PLK4: variants seen among roughly 807,000 people sequenced by gnomAD.
PLK4 encodes polo like kinase 4.
Under a neutral mutation model 103.0 loss-of-function variants are expected in PLK4, and 51 were observed. The ratio of observed to expected loss-of-function variants is 0.50; its 90% confidence interval spans 0.40 to 0.63. The LOEUF (loss-of-function observed/expected upper bound fraction) is 0.63, where lower values mean the gene tolerates loss of function less well. PLK4 is among the 20% of genes least tolerant of loss of function. The pLI is 0.00. For synonymous variants in PLK4, 389 were observed against 376.8 expected (o/e 1.03, Z -0.38); for missense variants, 1,054 against 1,151.0 (o/e 0.92, Z 1.22).
intron 13 of PLK4, among the ~76,000 whole-genome samples, chr4:127,894,615 A>G (rs1454173555): frequency 2.6e-5 from 4 of 152,180 alleles, no homozygotes; most frequent in Non-Finnish European, 5.9e-5. Context: ...TATTTAATGA[A>G]CATGGCGATG....
chr4:127,897,075 A>G (rs1403000648), intron 15 of PLK4, among the ~76,000 whole-genome samples, 168 bp downstream of exon 15: 1 of 152,178 alleles, frequency 6.6e-6, no homozygotes, highest in Non-Finnish European at 1.5e-5. Context: ...ATTAATGCAT[A>G]TTTTATGATT....
chr4:127,896,881 T>C lies in PLK4; in HGVS notation c.2784T>C (p.Tyr928=), dbSNP rs147313253. ...VVQAGVSSIS[Y]TSPNGQTTRY... Reference sequence around the variant, plus strand: ...AGGCAGGAGTGTCTTCTATCAGTTATACCTCACCAAATGGTCAAACAACTA... The same window carrying C: ...AGGCAGGAGTGTCTTCTATCAGTTACACCTCACCAAATGGTCAAACAACTA... Residue 928 remains tyrosine (Y), a synonymous_variant, in exon 15 of 16, where the codon TAT becomes TAC. Transcript: ENST00000270861. The C allele has an allele frequency of 7.5e-6, 12 of 1,607,840 alleles. No individual in the cohort carries two copies. The highest frequency in any genetic ancestry group is 1.0e-5 in the Non-Finnish European group (12 of 1,174,798).
intron 4 of PLK4, among the ~76,000 whole-genome samples, chr4:127,884,870 G>A (rs897366396): frequency 2.6e-5 from 4 of 151,998 alleles, no homozygotes; most frequent in Admixed American, 1.3e-4. Context: ...AACCCGGGAG[G>A]CAGAGATTGC....
rs1390697731 is a variant in PLK4 at position 127,886,683 on chromosome 4, C to T, written c.1313C>T (p.Ser438Phe). 1 of 1,611,260 alleles carries T rather than the reference C, an allele frequency of 6.2e-7. No homozygotes were observed. Among genetic ancestry groups the T allele is most frequent in the Non-Finnish European group, 8.5e-7 (1 of 1,178,478 alleles). ...NIFNFFKEKT[S>F]SSSGSFERPD... ...TTTAACTTCTTTAAAGAAAAGACATCCAGTAGTTCTGGATCTTTTGAAAGA... is the reference window on the plus strand; with the variant it reads ...TTTAACTTCTTTAAAGAAAAGACATTCAGTAGTTCTGGATCTTTTGAAAGA... Residue 438 changes from serine to phenylalanine, a missense_variant, in exon 5 of 16, where the codon TCC becomes TTC. Around this residue, in one of 4 missense-constraint regions of PLK4, gnomAD observed 680 missense variants for 660.3 expected, o/e 1.03. Transcript: ENST00000270861.
chr4:127,894,372 G>A (rs1471031690), intron 13 of PLK4, among the ~76,000 whole-genome samples: 2 of 151,810 alleles, frequency 1.3e-5, no homozygotes, highest in South Asian at 2.1e-4. Context: ...GACTACAGGC[G>A]ACCGCCACCA....
At chr4:127,884,576 C>T (rs941545958) in intron 4 of PLK4, among the ~76,000 whole-genome samples, 21 of 152,064 alleles carry the variant, frequency 1.4e-4, no homozygotes, top group African/African-American at 4.6e-4. Context: ...GGCTGAGGCA[C>T]GTAGATCACC....
chr4:127,881,352 A>G (rs978613682), intron 1 of PLK4, 188 bp downstream of exon 1: 4 of 1,447,274 alleles, frequency 2.8e-6, no homozygotes, highest in Admixed American at 5.4e-5. Context: ...AAGAGACAAG[A>G]GTAGGGAAGG....
At chr4:127,884,117 A>G (rs1735030205) in intron 4 of PLK4, among the ~76,000 whole-genome samples, 1 of 152,256 alleles carries the variant, frequency 6.6e-6, no homozygotes, top group African/African-American at 2.4e-5. Context: ...AAACGTAGCC[A>G]CAAAGTCATT....
At chr4:127,897,824 C>CCT (rs1735626147) in intron 15 of PLK4, among the ~76,000 whole-genome samples, 1 of 28,802 alleles carries the variant, frequency 3.5e-5, no homozygotes, top group African/African-American at 1.8e-4. Context: ...AGAATTAGGG[C>CCT]TTTTTTTTTT....
At chr4:127,887,561 G>A (rs1735183474) in intron 6 of PLK4, 65 bp downstream of exon 6, 1 of 914,472 alleles carries the variant, frequency 1.1e-6, no homozygotes, top group Non-Finnish European at 1.7e-6. Context: ...GCATTGCAGT[G>A]TTCTATTTGA....
In PLK4 at chr4:127,894,935, G is replaced by T. The variant is rs781236763; in HGVS notation, c.2563-18G>T. 22 of 1,482,926 alleles carry T rather than the reference G, an allele frequency of 1.5e-5. No individual in the cohort carries two copies. Among genetic ancestry groups the T allele is most frequent in the Non-Finnish European group, 2.0e-5 (22 of 1,106,392 alleles). The allele number at this position is 1,482,926 out of a possible 1,614,324, so 91.9% of individuals were successfully genotyped here. ...AAATGCTGAGGAATAATATCTTCCT[G>T]TCCTTTATTCTTTGTAGATGGTTAC... On this transcript the variant is annotated intron_variant, in intron 13 of 15. Coordinates refer to ENST00000270861, the MANE Select transcript of PLK4 (RefSeq NM_014264.5).
chr4:127,891,580 TC>T lies in PLK4; in HGVS notation c.1938del (p.Thr647LeufsTer50). ...AATTTTAAAAAAATCTTTTGGCAGA[TC>T]ACTATTTATTATCCAAATGGTGGTA... ...VLQISSDGNT[I>X]TIYYPNGGRG... On this transcript the variant is annotated frameshift_variant and splice_region_variant, in exon 9 of 16. Coordinates refer to ENST00000270861, the MANE Select transcript of PLK4 (RefSeq NM_014264.5). LOFTEE classifies it high-confidence loss of function. 1.4e-6 allele frequency: 2 copies of T among 1,440,282 alleles called. No individual in the cohort carries two copies. The highest frequency in any genetic ancestry group is 9.4e-7 in the Non-Finnish European group (1 of 1,060,150). 89.2% of individuals were successfully genotyped at this position (1,440,282 alleles called of 1,614,324 possible).
At position 127,886,286 on chromosome 4, in the gene PLK4, T is replaced by A; in HGVS notation, c.916T>A (p.Leu306Ile). The A allele has an allele frequency of 6.2e-7, 1 of 1,613,628 alleles. No homozygotes were observed. Among genetic ancestry groups the A allele is most frequent in the Non-Finnish European group, 8.5e-7 (1 of 1,179,576 alleles). Residue 306 changes from leucine to isoleucine, a missense_variant, in exon 5 of 16, where the codon TTA becomes ATA. Transcript: ENST00000270861. ...ASSSTSISGS[L>I]FDKRRLLIGQ... ...TTCCAGTACCAGTATAAGTGGTAGT[T>A]TATTTGACAAAAGAAGACTTTTGAT...
At chr4:127,894,328 G>T (rs768486614) in intron 13 of PLK4, among the ~76,000 whole-genome samples, 1 of 151,926 alleles carries the variant, frequency 6.6e-6, no homozygotes, top group Non-Finnish European at 1.5e-5. Flanking sequence ...CTGGGTTCAC[G>T]CCATTCTTCT....
rs1255138786 is a variant in PLK4 at position 127,890,332 on chromosome 4, C to T, written c.1830+96C>T. ...TTTAGTCCTCTGTAATGTCCTTTTA[C>T]TTTGGGGTGTATACATGATCAACTT... On this transcript the variant is annotated intron_variant, in intron 7 of 15. Coordinates refer to ENST00000270861, the MANE Select transcript of PLK4 (RefSeq NM_014264.5). The T allele has an allele frequency of 6.3e-6, 6 of 958,172 alleles. No individual in the cohort carries two copies. In the African/African-American group the frequency reaches 8.2e-5, roughly 13 times the overall value. 59.4% of individuals were successfully genotyped at this position (958,172 alleles called of 1,614,324 possible).
At chr4:127,881,968 T>A in intron 2 of PLK4, 42 bp downstream of exon 2, 2 of 1,060,004 alleles carry the variant, frequency 1.9e-6, no homozygotes, top group Non-Finnish European at 3.0e-6. Context: ...ACTTTGCAAG[T>A]AACTAGAGAG....
intron 10 of PLK4, 111 bp downstream of exon 10, chr4:127,892,625 A>G: frequency 1.4e-6 from 1 of 733,370 alleles, no homozygotes; most frequent in South Asian, 1.8e-5. Context: ...GTGTATGTAT[A>G]TAACTATACA....
intron 6 of PLK4, 120 bp from the exon 7 acceptor site, chr4:127,889,746 G>C (rs1211280772): frequency 4.2e-6 from 3 of 711,696 alleles, no homozygotes; most frequent in Non-Finnish European, 6.8e-6. Flanking sequence ...TTATTGTTTT[G>C]TTTTTTGTAA....
chr4:127,893,141 A>T, intron 10 of PLK4, 144 bp from the exon 11 acceptor site: 1 of 502,652 alleles, frequency 2.0e-6, no homozygotes, highest in Non-Finnish European at 3.5e-6. Flanking sequence ...ATGCTTTGAT[A>T]GTCTCATTTT....
Sources: allele counts gnomAD v4.1 joint callset (sites outside exome capture counted in the v4.1 genomes callset), GRCh38; gene constraint gnomAD v4.1.1; regional missense constraint gnomAD v4.1.1; transcripts MANE v1.5; gene names NCBI Gene and HGNC (gene_info 2026-07-23, HGNC 2026-07-21).